RIMS1: variants seen among roughly 807,000 people sequenced by gnomAD.
The protein encoded by RIMS1 is regulating synaptic membrane exocytosis 1.
In RIMS1, 83 loss-of-function variants were observed where a neutral mutation model predicts 214.1. That is an observed-to-expected ratio of 0.39 (90% confidence interval 0.32 to 0.47). The LOEUF is 0.47. RIMS1 is among the 20% of genes least tolerant of loss of function. The pLI is 0.99. For missense variants in RIMS1, 2,050 were observed against 2,161.8 expected (o/e 0.95, Z 1.03); for synonymous variants, 793 against 786.8 (o/e 1.01, Z -0.13).
intron 4 of RIMS1, among the ~76,000 whole-genome samples, chr6:72,124,178 A>G (rs1314730962): frequency 2.0e-5 from 3 of 151,790 alleles, no homozygotes; most frequent in Non-Finnish European, 4.4e-5. Flanking sequence ...GTGGTGACAA[A>G]ATCTCTCAGC....
intron 2 of RIMS1, among the ~76,000 whole-genome samples, chr6:72,037,827 G>A (rs919978802): frequency 2.0e-5 from 3 of 151,616 alleles, no homozygotes; most frequent in African/African-American, 7.3e-5. Context: ...TGATTTGAGA[G>A]ACATCAATTG....
chr6:72,383,705 G>A (rs1024981159), intron 29 of RIMS1, among the ~76,000 whole-genome samples: 27 of 151,408 alleles, frequency 1.8e-4, no homozygotes, highest in African/African-American at 6.1e-4. Context: ...GGAGAGGATC[G>A]CTTGAGCCCA....
At chr6:72,369,227 A>G (rs537284763) in intron 29 of RIMS1, among the ~76,000 whole-genome samples, 7 of 152,072 alleles carry the variant, frequency 4.6e-5, no homozygotes, top group African/African-American at 1.7e-4. Context: ...GGGAAGACCA[A>G]TTGAAATAAG....
chr6:72,046,274 A>T (rs999918243), intron 2 of RIMS1, among the ~76,000 whole-genome samples: 6 of 151,964 alleles, frequency 3.9e-5, no homozygotes, highest in African/African-American at 1.4e-4. Context: ...TCTCATATCC[A>T]TCATTGTGTG....
intron 1 of RIMS1, among the ~76,000 whole-genome samples, chr6:71,942,937 A>G (rs1365905947): frequency 1.3e-5 from 2 of 152,068 alleles, no homozygotes; most frequent in Non-Finnish European, 2.9e-5. Context: ...GTATTTAACG[A>G]CTTGTGCTTT....
intron 1 of RIMS1, among the ~76,000 whole-genome samples, chr6:71,918,424 G>A (rs1184124961): frequency 2.6e-5 from 4 of 152,144 alleles, no homozygotes; most frequent in Non-Finnish European, 4.4e-5. Flanking sequence ...CACTGTGGAG[G>A]TCACTAGTAC....
intron 17 of RIMS1, 68 bp from the exon 18 acceptor site, chr6:72,258,904 CTCAGTTCCTTCACT>C (rs1358483209): frequency 7.7e-7 from 1 of 1,298,586 alleles, no homozygotes; most frequent in Admixed American, 1.7e-5. Context: ...GCATATTACT[CTCAGTTCCTTCACT>C]TTAGTCTGTC....
At chr6:71,936,267 C>G (rs1245652330) in intron 1 of RIMS1, among the ~76,000 whole-genome samples, 2 of 129,160 alleles carry the variant, frequency 1.5e-5, no homozygotes, top group African/African-American at 5.9e-5. Context: ...GCGGAGCTTG[C>G]AGTGAGCCGA....
At chr6:72,228,552 G>A (rs994305514) in intron 6 of RIMS1, among the ~76,000 whole-genome samples, 21 of 151,722 alleles carry the variant, frequency 1.4e-4, no homozygotes, top group Admixed American at 1.3e-3. Context: ...TTTATACCAC[G>A]TTTTCTTTAT....
chr6:71,937,060 AG>A (rs1784665130), intron 1 of RIMS1, among the ~76,000 whole-genome samples: 1 of 152,230 alleles, frequency 6.6e-6, no homozygotes, highest in Non-Finnish European at 1.5e-5. Flanking sequence ...CTTTCCTTTT[AG>A]CCAGTGTAAC....
At chr6:72,239,087 G>A (rs961206734) in intron 9 of RIMS1, among the ~76,000 whole-genome samples, 2 of 152,140 alleles carry the variant, frequency 1.3e-5, no homozygotes, top group African/African-American at 2.4e-5. Context: ...GGTTGACTCT[G>A]TCAGTAAACT....
chr6:72,210,350 GCAGGA>G (rs2053605340), intron 6 of RIMS1, among the ~76,000 whole-genome samples: 1 of 152,166 alleles, frequency 6.6e-6, no homozygotes, highest in Admixed American at 6.5e-5. Flanking sequence ...TGTCCTCAAT[GCAGGA>G]CTTCTGACCA....
intron 2 of RIMS1, among the ~76,000 whole-genome samples, chr6:72,091,591 A>G (rs564237954): frequency 3.7e-4 from 57 of 152,318 alleles, no homozygotes; most frequent in African/African-American, 1.1e-3. Flanking sequence ...CTTTTGAAAT[A>G]TATGCTATTA....
intron 4 of RIMS1, among the ~76,000 whole-genome samples, chr6:72,163,980 C>T (rs2045875629): frequency 6.6e-6 from 1 of 152,164 alleles, no homozygotes; most frequent in Admixed American, 6.5e-5. Flanking sequence ...CTATGCCCTG[C>T]CCCCAGAGGT....
At chr6:72,388,985 G>A (rs2098659267) in intron 29 of RIMS1, among the ~76,000 whole-genome samples, 1 of 152,162 alleles carries the variant, frequency 6.6e-6, no homozygotes. Flanking sequence ...TGTATATTTG[G>A]GAGGCACAAG....
chr6:72,122,952 T>G lies in RIMS1; in HGVS notation c.471+22966T>G, dbSNP rs141639297. ...CTGGATTCATTGATTTTTTGAAGGT[T>G]TTTTTGTGTCTCTATCTCCTTTAAT... On this transcript the variant is annotated intron_variant, in intron 4 of 33. Transcript: ENST00000521978. 1.5e-4 allele frequency among the ~76,000 whole-genome samples: 23 copies of G among 152,000 alleles called. No homozygotes were observed. In the East Asian group the frequency reaches 4.2e-3, roughly 28 times the overall value.
At chr6:71,975,455 T>A (rs556924189) in intron 2 of RIMS1, among the ~76,000 whole-genome samples, 21 of 152,312 alleles carry the variant, frequency 1.4e-4, no homozygotes, top group Middle Eastern at 3.4e-3. Flanking sequence ...AGCCAAATTA[T>A]GTTTGCTTTT....
intron 26 of RIMS1, among the ~76,000 whole-genome samples, chr6:72,301,911 C>T (rs906084178): frequency 6.6e-5 from 10 of 151,464 alleles, no homozygotes; most frequent in South Asian, 2.1e-4. Flanking sequence ...TTTTTTTCCT[C>T]GTGATACCTA....
chr6:72,258,163 A>G lies in RIMS1; in HGVS notation c.2809A>G (p.Thr937Ala). ...RSSARESKST[T>A]LTVPEQQRTT... ...TAGTGCTAGAGAAAGTAAATCTACA[A>G]CATTAACTGTGCCAGAACAGCAAAG... Residue 937 changes from threonine to alanine, a missense_variant, in exon 17 of 34, where the codon ACA becomes GCA. By Grantham distance (58) the Thr-to-Ala change is moderately conservative. Coordinates refer to ENST00000521978, the MANE Select transcript of RIMS1 (RefSeq NM_014989.7). 2 of 1,613,182 alleles carry G rather than the reference A, an allele frequency of 1.2e-6. No individual in the cohort carries two copies. The highest frequency in any genetic ancestry group is 4.5e-5 in the East Asian group (2 of 44,842).
Sources: allele counts gnomAD v4.1 joint callset (sites outside exome capture counted in the v4.1 genomes callset), GRCh38; gene constraint gnomAD v4.1.1; transcripts MANE v1.5; gene names NCBI Gene and HGNC (gene_info 2026-07-23, HGNC 2026-07-21).